IL1RAPL1: variants seen among roughly 807,000 people sequenced by gnomAD.
The protein encoded by IL1RAPL1 is interleukin-1 receptor accessory protein-like 1.
A neutral mutation model predicts 48.4 loss-of-function variants in IL1RAPL1; 3 were observed. The observed-to-expected ratio is 0.06, with a 90% confidence interval of 0.03 to 0.16. The LOEUF is 0.16. Ranked by LOEUF, IL1RAPL1 falls within the 10% of genes least tolerant of loss-of-function variation. The pLI is 1.00. For missense variants in IL1RAPL1, 349 were observed against 530.6 expected (o/e 0.66, Z 3.36); for synonymous variants, 185 against 187.7 (o/e 0.99, Z 0.12).
chrX:28,881,318 T>C (rs1601942963), intron 2 of IL1RAPL1, among the ~76,000 whole-genome samples: 1 of 112,580 alleles, frequency 8.9e-6, no homozygotes, highest in African/African-American at 3.2e-5. Flanking sequence ...GGTGAAGTTA[T>C]TGCACATCAC....
intron 2 of IL1RAPL1, among the ~76,000 whole-genome samples, chrX:29,092,891 A>C (rs1419493766): frequency 8.9e-6 from 1 of 112,039 alleles, no homozygotes; most frequent in African/African-American, 3.2e-5. Context: ...CACTGAAATC[A>C]ATCCTGGCAA....
chrX:29,017,016 A>G (rs1364240499), intron 2 of IL1RAPL1, among the ~76,000 whole-genome samples: 1 of 112,166 alleles, frequency 8.9e-6, no homozygotes. Context: ...TTGAGATTGT[A>G]GATTACATTT....
intron 6 of IL1RAPL1, among the ~76,000 whole-genome samples, chrX:29,714,848 C>T (rs1304694354): frequency 1.8e-5 from 2 of 111,659 alleles, no homozygotes; most frequent in Admixed American, 1.9e-4. Flanking sequence ...TTCCCTCATA[C>T]TCAACAATTG....
chrX:28,915,451 A>G (rs1036076107), intron 2 of IL1RAPL1, among the ~76,000 whole-genome samples: 3 of 112,114 alleles, frequency 2.7e-5, no homozygotes, highest in Non-Finnish European at 3.8e-5. Context: ...CCCAATGCTA[A>G]TGATGTTTCT....
At chrX:29,091,320 A>G (rs1216279666) in intron 2 of IL1RAPL1, among the ~76,000 whole-genome samples, 2 of 111,783 alleles carry the variant, frequency 1.8e-5, no homozygotes, top group Non-Finnish European at 3.8e-5. Flanking sequence ...TAGTTGTCAT[A>G]CAAGAGGATG....
intron 2 of IL1RAPL1, among the ~76,000 whole-genome samples, chrX:28,832,671 C>A: frequency 9.2e-6 from 1 of 109,197 alleles, no homozygotes; most frequent in East Asian, 2.8e-4. Context: ...AAAGAAATAA[C>A]CTATTTTTCT....
intron 2 of IL1RAPL1, among the ~76,000 whole-genome samples, chrX:29,037,792 G>A (rs898588229): frequency 4.5e-5 from 5 of 111,553 alleles, no homozygotes; most frequent in Non-Finnish European, 9.4e-5. Context: ...CTGCCTTATT[G>A]GGATATAGCA....
At chrX:29,403,872 A>G (rs1934023982) in intron 5 of IL1RAPL1, among the ~76,000 whole-genome samples, 2 of 112,374 alleles carry the variant, frequency 1.8e-5, no homozygotes, top group South Asian at 7.3e-4. Context: ...GTGGGAAACA[A>G]CTTTATCAAT....
intron 6 of IL1RAPL1, among the ~76,000 whole-genome samples, chrX:29,809,110 G>A (rs1335061358): frequency 2.0e-5 from 2 of 100,148 alleles, no homozygotes; most frequent in Admixed American, 1.1e-4. Context: ...TTTTTGGGGG[G>A]TGGGGGGATA....
intron 6 of IL1RAPL1, among the ~76,000 whole-genome samples, chrX:29,845,889 G>A (rs913943575): frequency 9.1e-6 from 1 of 110,313 alleles, no homozygotes; most frequent in African/African-American, 3.3e-5. Context: ...AGAGAGCAAG[G>A]GGGGAGGTGC....
At chrX:29,590,434 G>GGGC (rs2147055802) in intron 5 of IL1RAPL1, among the ~76,000 whole-genome samples, 1 of 111,763 alleles carries the variant, frequency 8.9e-6, no homozygotes, top group Admixed American at 9.4e-5. Flanking sequence ...GCCTTCCCAA[G>GGGC]GGCAGGTATT....
chrX:28,825,706 A>T (rs1410594662), intron 2 of IL1RAPL1, among the ~76,000 whole-genome samples: 1 of 111,307 alleles, frequency 9.0e-6, no homozygotes, highest in Non-Finnish European at 1.9e-5. Flanking sequence ...GTAAATCTTC[A>T]GGTATTGAAA....
chrX:28,748,434 AG>A (rs1317161600), intron 1 of IL1RAPL1, among the ~76,000 whole-genome samples: 1 of 111,936 alleles, frequency 8.9e-6, no homozygotes, highest in Non-Finnish European at 1.9e-5. Flanking sequence ...GGAAAAAAAG[AG>A]GAAAGGTTTT....
At chrX:28,826,075 G>A (rs1481470944) in intron 2 of IL1RAPL1, among the ~76,000 whole-genome samples, 1 of 111,764 alleles carries the variant, frequency 8.9e-6, no homozygotes, top group Admixed American at 9.5e-5. Context: ...ACCTAAATTT[G>A]TTGGTTGCAA....
chrX:29,658,779 A>G (rs192956244), intron 5 of IL1RAPL1, among the ~76,000 whole-genome samples: 1 of 112,013 alleles, frequency 8.9e-6, no homozygotes, highest in South Asian at 3.7e-4. Flanking sequence ...GGTAATGGGG[A>G]TAGCCCTCAT....
intron 1 of IL1RAPL1, among the ~76,000 whole-genome samples, chrX:28,720,649 G>A (rs745351269): frequency 3.6e-5 from 4 of 111,438 alleles, no homozygotes; most frequent in South Asian, 3.8e-4. Context: ...TATGCACAAC[G>A]TGCAGGTTTG....
chrX:29,691,565 T>C (rs1021719757), intron 6 of IL1RAPL1, among the ~76,000 whole-genome samples: 2 of 111,343 alleles, frequency 1.8e-5, no homozygotes, highest in African/African-American at 6.5e-5. Context: ...CTGCTATTAA[T>C]GTAATATGGA....
intron 5 of IL1RAPL1, among the ~76,000 whole-genome samples, chrX:29,555,726 A>G (rs1921977321): frequency 8.9e-6 from 1 of 112,149 alleles, no homozygotes; most frequent in African/African-American, 3.2e-5. Flanking sequence ...ATTGAACTTG[A>G]CACGTAATTT....
chrX:29,092,314 A>T (rs1019964499), intron 2 of IL1RAPL1, among the ~76,000 whole-genome samples: 12 of 112,057 alleles, frequency 1.1e-4, no homozygotes, highest in Admixed American at 2.8e-4. Context: ...TTATTTGAAT[A>T]CTGTGGCTCA....
Sources: allele counts gnomAD v4.1 joint callset (sites outside exome capture counted in the v4.1 genomes callset), GRCh38; gene constraint gnomAD v4.1.1; transcripts MANE v1.5; gene names NCBI Gene and HGNC (gene_info 2026-07-23, HGNC 2026-07-21).